The following DLG2 variants were observed in gnomAD, a reference collection of about 807,000 sequenced individuals.
DLG2 encodes discs large MAGUK scaffold protein 2.
In DLG2, 45 loss-of-function variants were observed where a neutral mutation model predicts 132.5. The observed-to-expected ratio is 0.34, with a 90% CI of 0.27 to 0.44. The LOEUF (loss-of-function observed/expected upper bound fraction) is 0.44. Among genes scored for constraint, DLG2 ranks in the 20% least tolerant of loss-of-function variants. The pLI, the probability that DLG2 is intolerant of heterozygous loss-of-function variation, is 1.00. For missense variants in DLG2, 1,045 were observed against 1,196.9 expected (o/e 0.87, Z 1.87); for synonymous variants, 424 against 419.6 (o/e 1.01, Z -0.13).
chr11:83,595,043 T>C (rs1163098688), intron 19 of DLG2, among the ~76,000 whole-genome samples: 3 of 152,326 alleles, frequency 2.0e-5, no homozygotes, highest in African/African-American at 7.2e-5. Context: ...TATCAATGCA[T>C]ATGGTATAAA....
At chr11:84,451,724 T>A (rs2099052143) in intron 7 of DLG2, among the ~76,000 whole-genome samples, 1 of 151,822 alleles carries the variant, frequency 6.6e-6, no homozygotes. Context: ...TACATTGTAT[T>A]GCAGAAAAGA....
chr11:84,171,879 C>A (rs929655675), intron 8 of DLG2, among the ~76,000 whole-genome samples: 42 of 152,206 alleles, frequency 2.8e-4, no homozygotes, highest in African/African-American at 9.9e-4. Flanking sequence ...TGCATTAATA[C>A]AACTAGATTG....
chr11:84,859,989 T>G (rs1410094324), intron 6 of DLG2, among the ~76,000 whole-genome samples: 1 of 152,134 alleles, frequency 6.6e-6, no homozygotes, highest in Non-Finnish European at 1.5e-5. Context: ...CCTCACATTA[T>G]TGTTACAACA....
At chr11:84,925,680 G>T (rs1003938262) in intron 6 of DLG2, among the ~76,000 whole-genome samples, 1 of 152,118 alleles carries the variant, frequency 6.6e-6, no homozygotes, top group African/African-American at 2.4e-5. Context: ...GCATATTTTT[G>T]TAGGCAATAG....
chr11:84,318,459 T>C (rs888043093), intron 7 of DLG2, among the ~76,000 whole-genome samples: 22 of 152,210 alleles, frequency 1.4e-4, no homozygotes, highest in African/African-American at 5.3e-4. Context: ...ACTTTATCTG[T>C]AGACCATCAG....
intron 15 of DLG2, among the ~76,000 whole-genome samples, chr11:83,877,889 G>T (rs1308049077): frequency 6.6e-6 from 1 of 152,166 alleles, no homozygotes; most frequent in Non-Finnish European, 1.5e-5. Flanking sequence ...GTATTTTAAA[G>T]AACACCAAAC....
At chr11:85,368,725 C>T (rs1409606102) in intron 3 of DLG2, among the ~76,000 whole-genome samples, 1 of 152,204 alleles carries the variant, frequency 6.6e-6, no homozygotes, top group Non-Finnish European at 1.5e-5. Flanking sequence ...AAGGGAATTC[C>T]TTCATCTAGG....
At chr11:84,963,928 G>T (rs1371721860) in intron 6 of DLG2, among the ~76,000 whole-genome samples, 2 of 152,080 alleles carry the variant, frequency 1.3e-5, no homozygotes, top group African/African-American at 4.8e-5. Flanking sequence ...TAAAGTAATG[G>T]AAACTTTTAG....
At chr11:84,566,185 A>G (rs1366866759) in intron 6 of DLG2, among the ~76,000 whole-genome samples, 1 of 151,626 alleles carries the variant, frequency 6.6e-6, no homozygotes, top group Non-Finnish European at 1.5e-5. Flanking sequence ...CTGGTTTTGA[A>G]CTCCTGACCT....
rs1020135965 is a variant in DLG2 at position 85,237,033 on chromosome 11, G to C, written c.186+48187C>G. Among the ~76,000 whole-genome samples, 6 of 152,168 alleles carry C rather than the reference G, an allele frequency of 3.9e-5. No homozygotes were observed. In the East Asian group the frequency reaches 7.8e-4, roughly 20 times the overall value. On this transcript the variant is annotated intron_variant, in intron 4 of 27. Transcript: ENST00000376104. ...GAGACACAGAGCCCACAGAAGCCAA[G>C]CTTCATGAGACCATAACAATCTGCA... is the stretch of plus-strand genomic sequence containing the variant.
intron 6 of DLG2, chr11:84,720,353 A>G: frequency 7.1e-6 from 7 of 985,488 alleles, no homozygotes; most frequent in Non-Finnish European, 8.4e-6. Context: ...TGCAGTGGCA[A>G]ATCATTGGTG....
chr11:83,976,325 A>T (rs1189549331), intron 12 of DLG2, among the ~76,000 whole-genome samples: 1 of 151,910 alleles, frequency 6.6e-6, no homozygotes, highest in East Asian at 1.9e-4. Context: ...AATTTTTCCT[A>T]AGAAGTGTCA....
chr11:83,688,615 G>A (rs75655165), intron 18 of DLG2, among the ~76,000 whole-genome samples: 1,540 of 152,108 alleles, frequency 0.01, 17 homozygotes, highest in African/African-American at 0.032. Flanking sequence ...TTATGAATTC[G>A]TGTTCATGAG....
intron 6 of DLG2, among the ~76,000 whole-genome samples, chr11:84,615,507 T>C (rs997366639): frequency 1.3e-5 from 2 of 152,062 alleles, no homozygotes; most frequent in African/African-American, 2.4e-5. Context: ...TAAGGCATTA[T>C]TTGTTAACCA....
At chr11:84,547,275 CTT>C (rs2154523268) in intron 6 of DLG2, among the ~76,000 whole-genome samples, 1 of 152,166 alleles carries the variant, frequency 6.6e-6, no homozygotes, top group African/African-American at 2.4e-5. Context: ...AAATTTTTGC[CTT>C]TTACTGTTTT....
intron 3 of DLG2, among the ~76,000 whole-genome samples, chr11:85,522,689 C>T (rs7127991): frequency 0.33 from 49,819 of 152,038 alleles, 8,719 homozygotes; most frequent in East Asian, 0.39. Flanking sequence ...AAGGAGATCA[C>T]TGTGGAACTT....
intron 7 of DLG2, among the ~76,000 whole-genome samples, chr11:84,454,775 G>A (rs148967281): frequency 1.1e-4 from 17 of 151,522 alleles, no homozygotes; most frequent in African/African-American, 3.9e-4. Context: ...TAAAGTACTG[G>A]AAGATGCAAA....
intron 16 of DLG2, among the ~76,000 whole-genome samples, chr11:83,851,243 A>G (rs1595438597): frequency 6.6e-6 from 1 of 151,998 alleles, no homozygotes; most frequent in East Asian, 1.9e-4. Flanking sequence ...ACATGTTAGG[A>G]AAGGATTGTG....
At chr11:84,029,033 T>C (rs1469569230) in intron 11 of DLG2, among the ~76,000 whole-genome samples, 1 of 152,130 alleles carries the variant, frequency 6.6e-6, no homozygotes, top group Non-Finnish European at 1.5e-5. Context: ...ATTACTGTTA[T>C]AAAGTAAGTA....
Sources: allele counts gnomAD v4.1 joint callset (sites outside exome capture counted in the v4.1 genomes callset), GRCh38; gene constraint gnomAD v4.1.1; transcripts MANE v1.5; gene names NCBI Gene and HGNC (gene_info 2026-07-23, HGNC 2026-07-21).